REXO5: variants seen among roughly 807,000 people sequenced by gnomAD.
The protein encoded by REXO5 is exonuclease NEF-sp.
A neutral mutation model predicts 88.5 loss-of-function variants in REXO5; 48 were observed. That is an observed-to-expected ratio of 0.54 (90% CI 0.43 to 0.69). REXO5 has a LOEUF of 0.69. REXO5 is among the 30% of genes least tolerant of loss of function. The pLI is 0.00. For missense variants in REXO5, 749 were observed against 912.2 expected, an observed-to-expected ratio of 0.82 and a Z score of 2.30; for synonymous variants, 311 against 336.5, an observed-to-expected ratio of 0.92 and a Z score of 0.83.
chr16:20,806,836 C>T (rs1373239151), intron 1 of REXO5, 116 bp from the exon 2 acceptor site: 1 of 1,403,568 alleles, frequency 7.1e-7, no homozygotes, highest in Non-Finnish European at 9.5e-7. Context: ...AATTGAGAAG[C>T]GGATCCGAGG....
At chr16:20,808,608 T>C (rs893574159) in intron 2 of REXO5, among the ~76,000 whole-genome samples, 1 of 147,736 alleles carries the variant, frequency 6.8e-6, no homozygotes, top group Admixed American at 7.0e-5. Context: ...GGATTAGGGA[T>C]GTGATTTTTT....
chr16:20,840,568 G>C (rs189907454), intron 15 of REXO5, 100 bp downstream of exon 15: 560 of 1,079,278 alleles, frequency 5.2e-4, no homozygotes, highest in Non-Finnish European at 6.8e-4. Context: ...AAGTAAGCTT[G>C]ATTGCTACCA....
chr16:20,839,686 G>T, intron 13 of REXO5, 69 bp from the exon 14 acceptor site: 1 of 953,838 alleles, frequency 1.0e-6, no homozygotes, highest in Non-Finnish European at 1.6e-6. Flanking sequence ...ATATTATTGT[G>T]GCTCATATCC....
intron 19 of REXO5, among the ~76,000 whole-genome samples, chr16:20,846,932 C>T (rs757605287): frequency 2.9e-4 from 44 of 152,148 alleles, no homozygotes; most frequent in Admixed American, 4.6e-4. Flanking sequence ...ACCCTTTTAA[C>T]TGTAAACCCT....
intron 7 of REXO5, among the ~76,000 whole-genome samples, chr16:20,824,823 C>T (rs1437505024): frequency 6.6e-6 from 1 of 152,060 alleles, no homozygotes; most frequent in East Asian, 1.9e-4. Context: ...TCCTGGCCAA[C>T]ATGGTGAAAC....
intron 7 of REXO5, among the ~76,000 whole-genome samples, chr16:20,824,955 G>A (rs2081238814): frequency 6.6e-6 from 1 of 152,074 alleles, no homozygotes; most frequent in South Asian, 2.1e-4. Context: ...GTTGCAGTGA[G>A]CTGAGATAGC....
intron 2 of REXO5, 75 bp downstream of exon 2, chr16:20,807,166 G>C: frequency 6.6e-7 from 1 of 1,517,332 alleles, no homozygotes; most frequent in Non-Finnish European, 8.9e-7. Context: ...CCGCCGTCGG[G>C]GGCACTGGAT....
Position 20,849,395 on chromosome 16 carries a change from G to A in REXO5, c.2244-4G>A, listed in dbSNP as rs779915531. 5.0e-6 allele frequency: 8 copies of A among 1,612,012 alleles called. No homozygotes were observed. Among genetic ancestry groups the A allele is most frequent in the Non-Finnish European group, 5.9e-6 (7 of 1,178,354 alleles). The stretch of plus-strand genomic sequence containing the variant: ...AACATACCTTTGTTTCTTATTTATT[G>A]CAGCACTCATGGTTCACTCTCTGGT... On this transcript the variant is annotated splice_region_variant and splice_polypyrimidine_tract_variant and intron_variant, in intron 19 of 19. Coordinates refer to ENST00000261377, the MANE Select transcript of REXO5 (RefSeq NM_030941.3).
intron 18 of REXO5, among the ~76,000 whole-genome samples, chr16:20,845,617 G>A (rs749694664): frequency 6.6e-6 from 1 of 151,946 alleles, no homozygotes; most frequent in African/African-American, 2.4e-5. Flanking sequence ...GGACTTGTCC[G>A]TCTTTTTATT....
At position 20,842,796 on chromosome 16, in the gene REXO5, A is replaced by G. The variant is rs545858661; in HGVS notation, c.1627-1138A>G. On this transcript the variant is annotated intron_variant, in intron 15 of 19. Coordinates refer to ENST00000261377, the MANE Select transcript of REXO5 (RefSeq NM_030941.3). The stretch of plus-strand genomic sequence containing the variant: ...TTTGACTATCATGAATAATGCTGCT[A>G]TGAACATGGTTGTACACATATCTGT... Among the ~76,000 whole-genome samples the G allele has an allele frequency of 7.2e-5, 11 of 152,298 alleles. No homozygotes were observed. The East Asian group carries it at 1.7e-3, about 24-fold the overall frequency.
chr16:20,827,612 CAG>C (rs1300174299), intron 10 of REXO5, among the ~76,000 whole-genome samples, 165 bp downstream of exon 10: 4 of 152,134 alleles, frequency 2.6e-5, no homozygotes, highest in Admixed American at 6.5e-5. Flanking sequence ...GCAATAGAGA[CAG>C]GGGTTTACAT....
At chr16:20,832,130 AT>A (rs773160701) in intron 11 of REXO5, 25 bp from the exon 12 acceptor site, 12 of 1,475,818 alleles carry the variant, frequency 8.1e-6, no homozygotes, top group South Asian at 2.4e-5. Context: ...AAGCAATTAT[AT>A]TTTTACCACT....
chr16:20,822,010 A>C, intron 6 of REXO5, 108 bp downstream of exon 6: 1 of 1,133,540 alleles, frequency 8.8e-7, no homozygotes. Context: ...TGAGTGGCTT[A>C]TTCTTATTTC....
chr16:20,806,706 G>T lies in REXO5; in HGVS notation c.-3+1G>T. ...CCGTTGGGGAACCGTTGAGAATCCG[G>T]TAACCGATGCGGACGGTAAAGCCGT... On this transcript the variant is annotated splice_donor_variant, in intron 1 of 19. Coordinates refer to ENST00000261377, the MANE Select transcript of REXO5 (RefSeq NM_030941.3). LOFTEE classifies it low-confidence loss of function (5UTR_SPLICE). The T allele has an allele frequency of 1.0e-6, 1 of 1,001,866 alleles. No homozygotes were observed. 62.1% of individuals were successfully genotyped at this position (1,001,866 alleles called of 1,614,324 possible). A position where few individuals can be genotyped will look rare whatever the true frequency, so the allele number is the denominator to read the frequency against.
intron 13 of REXO5, among the ~76,000 whole-genome samples, chr16:20,837,586 A>T (rs1384732563): frequency 6.6e-6 from 1 of 152,090 alleles, no homozygotes; most frequent in East Asian, 1.9e-4. Flanking sequence ...ATTTCACTTG[A>T]ATCTATTCTT....
At chr16:20,826,418 T>A (rs1256100906) in intron 8 of REXO5, among the ~76,000 whole-genome samples, 1 of 152,244 alleles carries the variant, frequency 6.6e-6, no homozygotes, top group East Asian at 1.9e-4. Flanking sequence ...AATCTCAGAA[T>A]GTACACACAG....
Position 20,818,875 on chromosome 16 carries a change from C to T in REXO5, c.475+2663C>T, listed in dbSNP as rs182330414. ...GTAGTGGTTTACTACACAGATCAGC[C>T]AATCACCTAGGTATTAAGCTCAGCC... On this transcript the variant is annotated intron_variant, in intron 5 of 19. Transcript: ENST00000261377. Among the ~76,000 whole-genome samples the T allele has an allele frequency of 7.0e-4, 107 of 152,276 alleles. 1 individual carries two copies. The South Asian group carries it at 8.9e-3, about 13-fold the overall frequency.
chr16:20,827,360 A>G lies in REXO5; in HGVS notation c.968A>G (p.His323Arg), dbSNP rs1405934412. Residue 323 changes from histidine to arginine, a missense_variant, in exon 10 of 20, where the codon CAT becomes CGT. Coordinates refer to ENST00000261377, the MANE Select transcript of REXO5 (RefSeq NM_030941.3). ...DLDLRALKMI[H>R]PYVIDTSLLY... The stretch of plus-strand genomic sequence containing the variant: ...ATTCTCTTTCTTCCTCAGATGATAC[A>G]TCCATATGTTATTGATACATCGTTG... 1 of 1,612,400 alleles carries G rather than the reference A, an allele frequency of 6.2e-7. No individual in the cohort carries two copies. The highest frequency in any genetic ancestry group is 8.5e-7 in the Non-Finnish European group (1 of 1,178,918).
intron 5 of REXO5, among the ~76,000 whole-genome samples, chr16:20,821,432 AC>A (rs1324877078): frequency 6.6e-6 from 1 of 151,942 alleles, no homozygotes; most frequent in Non-Finnish European, 1.5e-5. Flanking sequence ...GACTACAGGC[AC>A]CCACCACCAC....
Sources: allele counts gnomAD v4.1 joint callset (sites outside exome capture counted in the v4.1 genomes callset), GRCh38; gene constraint gnomAD v4.1.1; transcripts MANE v1.5; gene names NCBI Gene and HGNC (gene_info 2026-07-23, HGNC 2026-07-21).